Variants in NPAS3 observed in about 807,000 individuals in gnomAD.
The protein encoded by NPAS3 is neuronal PAS domain-containing protein 3.
NPAS3 carries 14 observed loss-of-function variants against 73.1 expected under a neutral mutation model. That is an observed-to-expected ratio of 0.19 (90% CI 0.13 to 0.30). The LOEUF (loss-of-function observed/expected upper bound fraction) is 0.30. Among genes scored for constraint, NPAS3 ranks in the 10% least tolerant of loss-of-function variants. NPAS3 has a pLI of 1.00. For synonymous variants in NPAS3, 620 were observed against 541.5 expected, an observed-to-expected ratio of 1.14 and a Z score of -2.01; for missense variants, 1,096 against 1,250.0, an observed-to-expected ratio of 0.88 and a Z score of 1.86.
At chr14:33,384,183 T>G (rs1407147766) in intron 4 of NPAS3, among the ~76,000 whole-genome samples, 2 of 152,026 alleles carry the variant, frequency 1.3e-5, no homozygotes, top group East Asian at 3.9e-4. Flanking sequence ...AAGCAATATT[T>G]AATAGCTAAT....
upstream of NPAS3, among the ~76,000 whole-genome samples, chr14:32,938,485 T>TAGACAGAGAG (rs1491191135): frequency 4.6e-5 from 1 of 21,748 alleles, no homozygotes; most frequent in Non-Finnish European, 8.6e-5. Context: ...GAGAGAGAAA[T>TAGACAGAGAG]TGAGAGAGAG....
chr14:33,591,336 T>TGC (rs1268479521), intron 5 of NPAS3, among the ~76,000 whole-genome samples: 1 of 152,160 alleles, frequency 6.6e-6, no homozygotes, highest in Non-Finnish European at 1.5e-5. Context: ...AAGCCTAGCC[T>TGC]GCACAAGCTC....
At chr14:33,032,477 C>T (rs1226636976) in intron 1 of NPAS3, among the ~76,000 whole-genome samples, 1 of 152,128 alleles carries the variant, frequency 6.6e-6, no homozygotes, top group Non-Finnish European at 1.5e-5. Context: ...AACACCACAG[C>T]ACATGTGATT....
intron 5 of NPAS3, among the ~76,000 whole-genome samples, chr14:33,566,984 T>C (rs2055984140): frequency 6.6e-6 from 1 of 152,246 alleles, no homozygotes; most frequent in South Asian, 2.1e-4. Context: ...GGACCGTTGG[T>C]GTTTGGAAAG....
intron 3 of NPAS3, among the ~76,000 whole-genome samples, chr14:33,273,887 C>A (rs1488042933): frequency 6.6e-6 from 1 of 152,124 alleles, no homozygotes; most frequent in African/African-American, 2.4e-5. Context: ...ATAGTGACTC[C>A]CAAATCTGGT....
At chr14:33,626,755 A>G (rs2058231218) in intron 5 of NPAS3, among the ~76,000 whole-genome samples, 1 of 152,208 alleles carries the variant, frequency 6.6e-6, no homozygotes, top group Admixed American at 6.5e-5. Flanking sequence ...GGAGGGAGAT[A>G]GATAGACAAT....
intron 3 of NPAS3, among the ~76,000 whole-genome samples, chr14:33,248,898 A>C (rs2048481015): frequency 6.6e-6 from 1 of 152,178 alleles, no homozygotes; most frequent in Non-Finnish European, 1.5e-5. Flanking sequence ...GGAATTCTGC[A>C]AATTGTGTTG....
chr14:32,980,435 A>C (rs1488953382), intron 1 of NPAS3, among the ~76,000 whole-genome samples: 1 of 152,220 alleles, frequency 6.6e-6, no homozygotes, highest in Non-Finnish European at 1.5e-5. Flanking sequence ...GCAGTTATAG[A>C]AATGGAATTT....
At chr14:33,357,819 A>G (rs2045408922) in intron 3 of NPAS3, among the ~76,000 whole-genome samples, 1 of 152,190 alleles carries the variant, frequency 6.6e-6, no homozygotes, top group Non-Finnish European at 1.5e-5. Flanking sequence ...CAATTAAATC[A>G]GGGCGGGACA....
At chr14:33,015,558 GAGA>G (rs2039360658) in intron 1 of NPAS3, among the ~76,000 whole-genome samples, 1 of 148,136 alleles carries the variant, frequency 6.8e-6, no homozygotes. Context: ...AAGGATTAAG[GAGA>G]AGAACTTACA....
chr14:33,460,309 G>A (rs952456808), intron 4 of NPAS3, among the ~76,000 whole-genome samples: 1 of 152,182 alleles, frequency 6.6e-6, no homozygotes, highest in Non-Finnish European at 1.5e-5. Flanking sequence ...AGGGTGCCTT[G>A]AATATTGCAC....
chr14:33,305,881 T>A (rs945976945), intron 3 of NPAS3, among the ~76,000 whole-genome samples: 1 of 152,216 alleles, frequency 6.6e-6, no homozygotes, highest in Non-Finnish European at 1.5e-5. Flanking sequence ...ACTTCTTCTA[T>A]GCCTGGTATT....
In NPAS3 at chr14:33,301,316, ATATATATTTTTT is replaced by A. The variant is rs1469557445; in HGVS notation, c.386-65868_386-65857del. ...ACCTAGGTTTTATCATTATATATAT[ATATATATTTTTT>A]TTTTTTAAATCTAGCTGTAATGGGT... On this transcript the variant is annotated intron_variant, in intron 3 of 11. Coordinates refer to ENST00000356141, the Ensembl canonical transcript of NPAS3. Among the ~76,000 whole-genome samples the A allele has an allele frequency of 3.1e-5, 3 of 97,544 alleles. 1 individual carries two copies. Among genetic ancestry groups the A allele is most frequent in the African/African-American group, 1.3e-4 (3 of 22,740 alleles). 64.0% of individuals were successfully genotyped at this position (97,544 alleles called of 152,430 possible). A position where few individuals can be genotyped will look rare whatever the true frequency, so the allele number is the denominator to read the frequency against.
chr14:33,732,838 C>G (rs558503531), intron 6 of NPAS3, among the ~76,000 whole-genome samples: 3 of 152,172 alleles, frequency 2.0e-5, no homozygotes, highest in Non-Finnish European at 2.9e-5. Context: ...ATTCAGGGCA[C>G]GATGCCGTGA....
intron 2 of NPAS3, among the ~76,000 whole-genome samples, chr14:33,077,001 T>C (rs761319708): frequency 2.6e-5 from 4 of 152,206 alleles, no homozygotes; most frequent in Non-Finnish European, 5.9e-5. Flanking sequence ...TAAAGATTTG[T>C]TGAGCACCTA....
intron 1 of NPAS3, among the ~76,000 whole-genome samples, chr14:32,972,170 C>A (rs921086079): frequency 6.6e-6 from 1 of 151,728 alleles, no homozygotes; most frequent in African/African-American, 2.4e-5. Flanking sequence ...AATCTCCTGA[C>A]CTCATGATCT....
chr14:33,563,175 A>T (rs932752937), intron 5 of NPAS3, among the ~76,000 whole-genome samples: 1 of 152,154 alleles, frequency 6.6e-6, no homozygotes, highest in African/African-American at 2.4e-5. Flanking sequence ...CTCTCAAGAT[A>T]TCCCTTCCTC....
At chr14:33,044,653 T>TA (rs2040444672) in intron 1 of NPAS3, among the ~76,000 whole-genome samples, 1 of 141,754 alleles carries the variant, frequency 7.1e-6, no homozygotes, top group Non-Finnish European at 1.6e-5. Flanking sequence ...TGAGTTAGTT[T>TA]GTTTTTTTTT....
At chr14:33,368,649 T>C (rs1235668000) in intron 4 of NPAS3, among the ~76,000 whole-genome samples, 1 of 152,236 alleles carries the variant, frequency 6.6e-6, no homozygotes, top group Non-Finnish European at 1.5e-5. Flanking sequence ...GAACTGATGT[T>C]TCTTGAAATA....
Sources: gnomAD v4.1 joint callset for allele counts (sites outside exome capture counted in the v4.1 genomes callset) on GRCh38, gnomAD v4.1.1 for gene constraint, MANE v1.5 for transcripts, NCBI Gene and HGNC (gene_info 2026-07-23, HGNC 2026-07-21) for gene names.